Variants in KLRG1 observed in about 807,000 individuals in gnomAD.
KLRG1 encodes killer cell lectin-like receptor subfamily G member 1.
In KLRG1, 16 loss-of-function variants were observed where a neutral mutation model predicts 21.8. The ratio of observed to expected loss-of-function variants is 0.73; its 90% CI spans 0.50 to 1.11. KLRG1 has a LOEUF of 1.11. Among genes scored for constraint, KLRG1 ranks in the 50% most tolerant of loss-of-function variants. KLRG1 has a pLI of 0.00. For synonymous variants in KLRG1, 69 were observed against 75.9 expected (o/e 0.91, Z 0.47); for missense variants, 173 against 218.3 (o/e 0.79, Z 1.31).
the KLRG1 span, chr12:9,157,219 T>C: frequency 6.2e-7 from 1 of 1,614,148 alleles, no homozygotes; most frequent in Non-Finnish European, 8.5e-7. Context: ...TATTTCTCTA[T>C]TCTGATTTTG....
At chr12:8,971,614 C>A (rs1305165642) in intron 1 of KLRG1, among the ~76,000 whole-genome samples, 1 of 151,474 alleles carries the variant, frequency 6.6e-6, no homozygotes, top group Non-Finnish European at 1.5e-5. Context: ...CCTCAGCCTC[C>A]CAAGTAGCTG....
chr12:9,124,387 AG>A, the KLRG1 span, among the ~76,000 whole-genome samples: 1 of 152,074 alleles, frequency 6.6e-6, no homozygotes, highest in East Asian at 1.9e-4. Flanking sequence ...TGGAGCAGGT[AG>A]GAGCCCCGCC....
intron 1 of KLRG1, among the ~76,000 whole-genome samples, chr12:8,980,230 G>GT (rs879756800): frequency 1.1e-4 from 16 of 151,328 alleles, no homozygotes; most frequent in Admixed American, 5.3e-4. Flanking sequence ...TGTTTTTTTT[G>GT]TTTTTTTGTT....
At chr12:9,120,886 T>TGTGTGTA in the KLRG1 span, among the ~76,000 whole-genome samples, 25 of 148,024 alleles carry the variant, frequency 1.7e-4, no homozygotes, top group South Asian at 2.1e-4. Context: ...TGTGTGTGTA[T>TGTGTGTA]TTTTTTTTTT....
the KLRG1 span, chr12:9,090,644 A>C: frequency 1.4e-6 from 1 of 696,302 alleles, no homozygotes; most frequent in Non-Finnish European, 2.3e-6. Flanking sequence ...AGTGGATCTT[A>C]ATGTATCAGA....
At chr12:9,148,990 T>C in the KLRG1 span, 11 of 1,611,524 alleles carry the variant, frequency 6.8e-6, no homozygotes, top group East Asian at 2.5e-4. Flanking sequence ...TTCCATGCTC[T>C]GTATCTATGG....
At chr12:9,101,326 A>G in the KLRG1 span, 1 of 1,363,934 alleles carries the variant, frequency 7.3e-7, no homozygotes, top group Non-Finnish European at 1.0e-6. Flanking sequence ...AGAGAAATCA[A>G]ACTTTCAAAA....
chr12:9,091,797 G>A, the KLRG1 span, among the ~76,000 whole-genome samples: 1 of 152,134 alleles, frequency 6.6e-6, no homozygotes, highest in African/African-American at 2.4e-5. Flanking sequence ...TTTAACTCAG[G>A]ATTGCTAACC....
At chr12:9,166,235 A>G in the KLRG1 span, 1 of 1,602,642 alleles carries the variant, frequency 6.2e-7, no homozygotes, top group Non-Finnish European at 8.5e-7. Flanking sequence ...AGTTAGGGAA[A>G]AACATTCATT....
chr12:9,151,959 TA>T, the KLRG1 span, among the ~76,000 whole-genome samples: 1 of 152,220 alleles, frequency 6.6e-6, no homozygotes, highest in Non-Finnish European at 1.5e-5. Context: ...TGGGTGGTTT[TA>T]TTGTTTTGTG....
chr12:9,075,403 G>T, the KLRG1 span, among the ~76,000 whole-genome samples: 432 of 152,094 alleles, frequency 2.8e-3, 2 homozygotes, highest in African/African-American at 9.8e-3. Context: ...AAGAAAACAG[G>T]CACATGAGTA....
intron 3 of KLRG1, among the ~76,000 whole-genome samples, chr12:9,007,454 G>A (rs1377738525): frequency 6.6e-6 from 1 of 152,066 alleles, no homozygotes; most frequent in African/African-American, 2.4e-5. Context: ...TTTTAGTAGA[G>A]ACAGGCTTTT....
the KLRG1 span, chr12:9,099,343 T>A: frequency 6.5e-7 from 1 of 1,535,368 alleles, no homozygotes; most frequent in African/African-American, 1.4e-5. Context: ...TAACTTCTAG[T>A]TTTACATGTT....
At chr12:9,129,026 G>A in the KLRG1 span, among the ~76,000 whole-genome samples, 1 of 152,034 alleles carries the variant, frequency 6.6e-6, no homozygotes, top group African/African-American at 2.4e-5. Flanking sequence ...GCTTTTGAAT[G>A]TTACCAGCTA....
At chr12:9,069,711 C>T in the KLRG1 span, 166 of 1,561,532 alleles carry the variant, frequency 1.1e-4, no homozygotes, top group Admixed American at 6.6e-4. Flanking sequence ...TTATTATCTA[C>T]GTTTTTTTGC....
chr12:9,009,402 A>G (rs1052207438), intron 4 of KLRG1, 24 bp from the exon 5 acceptor site: 1 of 1,613,172 alleles, frequency 6.2e-7, no homozygotes, highest in Non-Finnish European at 8.5e-7. Context: ...GCCTTAAGTG[A>G]TTGACTTTTC....
At chr12:9,109,943 G>A in the KLRG1 span, 1 of 1,613,686 alleles carries the variant, frequency 6.2e-7, no homozygotes, top group African/African-American at 1.3e-5. Flanking sequence ...AGGAGCCCTG[G>A]AAGGGCTCTG....
chr12:9,144,288 C>G, the KLRG1 span, among the ~76,000 whole-genome samples: 1 of 152,178 alleles, frequency 6.6e-6, no homozygotes, highest in African/African-American at 2.4e-5. Flanking sequence ...GTGGTCAGGT[C>G]TCAGGACTCT....
the KLRG1 span, chr12:9,158,427 G>A: frequency 1.9e-6 from 3 of 1,613,942 alleles, no homozygotes; most frequent in Non-Finnish European, 2.5e-6. Context: ...CACCTTTATG[G>A]CATTGTTGAG....
Sources: gnomAD v4.1 joint callset for allele counts (sites outside exome capture counted in the v4.1 genomes callset) on GRCh38, gnomAD v4.1.1 for gene constraint, MANE v1.5 for transcripts, NCBI Gene and HGNC (gene_info 2026-07-23, HGNC 2026-07-21) for gene names.